ITPRID2: variants seen among roughly 807,000 people sequenced by gnomAD.
ITPRID2 encodes the protein ITPR interacting domain containing 2, also known as protein ITPRID2.
ITPRID2 carries 60 observed loss-of-function variants against 124.3 expected under a neutral mutation model. The ratio of observed to expected loss-of-function variants is 0.48; its 90% CI spans 0.39 to 0.60. ITPRID2 has a LOEUF of 0.60. Ranked by LOEUF, ITPRID2 falls within the 20% of genes least tolerant of loss-of-function variation. ITPRID2 has a pLI of 0.00. For synonymous variants in ITPRID2, 521 were observed against 542.9 expected (o/e 0.96, Z 0.56); for missense variants, 1,553 against 1,512.2 (o/e 1.03, Z -0.45).
intron 6 of ITPRID2, 30 bp from the exon 7 acceptor site, chr2:181,900,666 T>A (rs1166335618): frequency 6.8e-7 from 1 of 1,465,380 alleles, no homozygotes; most frequent in Non-Finnish European, 9.4e-7. Context: ...TATATTTTCA[T>A]GTTTCCTTTT....
intron 9 of ITPRID2, among the ~76,000 whole-genome samples, chr2:181,911,798 A>G (rs1693628624): frequency 6.6e-6 from 1 of 152,208 alleles, no homozygotes; most frequent in African/African-American, 2.4e-5. Flanking sequence ...TGTGAGATAG[A>G]TAGAAGAATT....
rs747331284 is a variant in ITPRID2, at chr2:181,902,435, C to T, written c.1382C>T (p.Thr461Ile). 5 of 1,598,356 alleles carry T rather than the reference C, an allele frequency of 3.1e-6. No individual in the cohort carries two copies. In the African/African-American group the frequency reaches 5.4e-5, roughly 17 times the overall value. The change falls in exon 8 of 18, where the codon ACA becomes ATA. Residue 461 changes from threonine (T) to isoleucine (I), a missense_variant. By Grantham distance (89) the Thr-to-Ile change is moderately conservative. Coordinates refer to ENST00000431877, the MANE Select transcript of ITPRID2 (RefSeq NM_001130445.3). This position sits in a 1 kb window ranked among gnomAD's most constrained non-coding sequence, Gnocchi z 4.4. Reference protein sequence around the residue: ...LTIPSIRNIMTQQKDSFEMEE... With the variant: ...LTIPSIRNIMIQQKDSFEMEE... ...ATACCATCCATAAGAAATATAATGA[C>T]ACAGCAGAAGGACTCCTTCGAAATG...
chr2:181,911,295 A>G (rs1014479385), intron 9 of ITPRID2, among the ~76,000 whole-genome samples: 6 of 152,204 alleles, frequency 3.9e-5, no homozygotes, highest in Admixed American at 3.3e-4. Flanking sequence ...ATTTACTTCA[A>G]AAGTTTAGGA....
chr2:181,895,912 A>G, intron 2 of ITPRID2, 118 bp from the exon 3 acceptor site: 1 of 786,538 alleles, frequency 1.3e-6, no homozygotes, highest in Non-Finnish European at 2.1e-6. Flanking sequence ...TTTTTGGAGG[A>G]GAGTTTAACT....
rs1169657788 is a variant in ITPRID2, at chr2:181,913,398, A to G, written c.1487-447A>G. ...GTGTTTTTTAAATTGGGAAGATAAT[A>G]GAAATCTTTACACACTATGCTCTCT... On this transcript the variant is annotated intron_variant, in intron 9 of 17. Coordinates refer to ENST00000431877, the MANE Select transcript of ITPRID2 (RefSeq NM_001130445.3). Among the ~76,000 whole-genome samples, 4 of 152,302 alleles carry G rather than the reference A, an allele frequency of 2.6e-5. No individual in the cohort carries two copies. The East Asian group carries it at 5.8e-4, about 22-fold the overall frequency.
rs890206557 is a variant in ITPRID2 at position 181,919,909 on chromosome 2, G to A, written c.3144+463G>A. On this transcript the variant is annotated intron_variant, in intron 14 of 17. Coordinates refer to ENST00000431877, the MANE Select transcript of ITPRID2 (RefSeq NM_001130445.3). This position sits in a 1 kb window ranked among gnomAD's most constrained non-coding sequence, Gnocchi z 4.2. ...TTTTTAAAGGAATCAAATGATACCT[G>A]TATATTTTCATACATATATATACAT... Among the ~76,000 whole-genome samples, 4 of 151,194 alleles carry A rather than the reference G, an allele frequency of 2.6e-5. No homozygotes were observed. Among genetic ancestry groups the A allele is most frequent in the Non-Finnish European group, 5.9e-5 (4 of 67,828 alleles).
chr2:181,906,108 G>T (rs1184064411), intron 8 of ITPRID2, among the ~76,000 whole-genome samples: 3 of 152,158 alleles, frequency 2.0e-5, no homozygotes, highest in Non-Finnish European at 4.4e-5. Context: ...ATAAACATTT[G>T]CAAGTAATTT....
rs568979336 is a variant in ITPRID2, at chr2:181,929,940, A to C, written c.*393A>C. 62 of 195,472 alleles carry C rather than the reference A, an allele frequency of 3.2e-4. No homozygotes were observed. Among genetic ancestry groups the C allele is most frequent in the Non-Finnish European group, 6.1e-4 (59 of 96,644 alleles). The allele number at this position is 195,472 out of a possible 1,614,324, so 12.1% of individuals were successfully genotyped here. ...GACCTCTATGAGGTATTTACTGTGC[A>C]ATAACTGATTCATTTTTTTCAGAGC... On this transcript the variant is annotated 3_prime_UTR_variant, in exon 18 of 18. Coordinates refer to ENST00000431877, the MANE Select transcript of ITPRID2 (RefSeq NM_001130445.3).
At chr2:181,906,971 T>G (rs143463057) in intron 8 of ITPRID2, among the ~76,000 whole-genome samples, 353 of 152,312 alleles carry the variant, frequency 2.3e-3, no homozygotes, top group African/African-American at 8.2e-3. Context: ...TCTGACATTT[T>G]TTTGAGCTGT....
In ITPRID2 at chr2:181,899,047, G is replaced by C. The variant is rs776026001; in HGVS notation, c.438G>C (p.Gln146His). ...TCTTGGCCAAAGAGAGAAGATTACA[G>C]TTTCATCAGAAAGGGAGAAGTATGA... The part of the protein sequence containing the change: ...NNILAKERRL[Q>H]FHQKGRSMNS... The change falls in exon 6 of 18, where the codon CAG becomes CAC. Residue 146 changes from glutamine (Q) to histidine (H), a missense_variant. Gln to His is a conservative substitution (Grantham distance 24). Transcript: ENST00000431877. The C allele has an allele frequency of 3.1e-6, 5 of 1,611,888 alleles. No homozygotes were observed. The Admixed American group carries it at 8.4e-5, about 27-fold the overall frequency.
At chr2:181,916,711 A>T (rs1194860057) in intron 11 of ITPRID2, 1 of 723,928 alleles carries the variant, frequency 1.4e-6, no homozygotes, top group Non-Finnish European at 1.9e-6. Context: ...TTAGTCTATC[A>T]TCCACTGTCT....
rs1293711397 is a variant in ITPRID2 at position 181,918,667 on chromosome 2, C to G, written c.2857C>G (p.Leu953Val). 2 of 1,614,060 alleles carry G rather than the reference C, an allele frequency of 1.2e-6. No homozygotes were observed. The highest frequency in any genetic ancestry group is 2.2e-5 in the East Asian group (1 of 44,864). The change falls in exon 12 of 18, where the codon CTT becomes GTT. Residue 953 changes from leucine (L) to valine (V), a missense_variant. Transcript: ENST00000431877. The stretch of plus-strand genomic sequence containing the variant: ...TACTCAGAAATCATCTGTTCTACCT[C>G]TTTATGAAGTAAGTTCTTTCTTACA... The part of the protein sequence containing the change: ...YSTQKSSVLP[L>V]YENTFQELQV...
In ITPRID2 at chr2:181,892,950, T is replaced by C. The variant is rs1043324762; in HGVS notation, c.257+290T>C. 8 of 506,054 alleles carry C rather than the reference T, an allele frequency of 1.6e-5. No homozygotes were observed. Among genetic ancestry groups the C allele is most frequent in the Non-Finnish European group, 2.5e-5 (7 of 280,992 alleles). The allele number at this position is 506,054 out of a possible 1,614,324, so 31.3% of individuals were successfully genotyped here. ...ACAGATAATCATGCCATATTTGTTC[T>C]GTTTTTATTTGAAAGAATTCTCACA... On this transcript the variant is annotated intron_variant, in intron 2 of 17. Coordinates refer to ENST00000431877, the MANE Select transcript of ITPRID2 (RefSeq NM_001130445.3). The surrounding 1 kb of genome is among the most constrained non-coding windows in gnomAD (Gnocchi z 5.2).
chr2:181,914,121 C>T (rs1290315386), intron 10 of ITPRID2, among the ~76,000 whole-genome samples, 188 bp downstream of exon 10: 1 of 152,154 alleles, frequency 6.6e-6, no homozygotes, highest in Non-Finnish European at 1.5e-5. Context: ...ATTCTTCTCT[C>T]TGAATATGTT....
chr2:181,892,073 C>T lies in ITPRID2; in HGVS notation c.7C>T (p.Arg3Trp), dbSNP rs1426426652. 1.3e-6 allele frequency: 2 copies of T among 1,551,208 alleles called. No individual in the cohort carries two copies. The highest frequency in any genetic ancestry group is 2.4e-5 in the South Asian group (2 of 84,204). Residue 3 changes from arginine (R) to tryptophan (W), a missense_variant, in exon 1 of 18, where the codon CGG (arginine) becomes TGG (tryptophan). By Grantham distance (101) the Arg-to-Trp change is moderately radical. Coordinates refer to ENST00000431877, the MANE Select transcript of ITPRID2 (RefSeq NM_001130445.3). This position sits in a 1 kb window ranked among gnomAD's most constrained non-coding sequence, Gnocchi z 5.2. Reference protein sequence around the residue: MDRPLSSSAEAEE... With the variant: MDWPLSSSAEAEE... ...CGGAGCCCCCAGTGCGGCCATGGAC[C>T]GGCCCCTGTCGTCGTCGGCGGAGGC...
Position 181,915,265 on chromosome 2 carries a change from G to A in ITPRID2, c.1625G>A (p.Ser542Asn). The A allele has an allele frequency of 6.2e-7, 1 of 1,614,186 alleles. No homozygotes were observed. Among genetic ancestry groups the A allele is most frequent in the Non-Finnish European group, 8.5e-7 (1 of 1,180,022 alleles). The change falls in exon 11 of 18, where the codon AGT becomes AAT. Residue 542 changes from serine (S) to asparagine (N), a missense_variant. By Grantham distance (46) the Ser-to-Asn change is conservative (BLOSUM62 1). Transcript: ENST00000431877. ...AMGSSADSCD[S>N]ETTVTSLGED... Reference sequence around the variant, plus strand: ...GGGAGTAGTGCTGATAGTTGTGACAGTGAGACAACAGTTACGTCACTTGGT... The same window carrying A: ...GGGAGTAGTGCTGATAGTTGTGACAATGAGACAACAGTTACGTCACTTGGT...
chr2:181,920,544 G>T, intron 14 of ITPRID2, 53 bp from the exon 15 acceptor site: 1 of 1,194,316 alleles, frequency 8.4e-7, no homozygotes, highest in Non-Finnish European at 1.2e-6. Flanking sequence ...ATATATGCAT[G>T]TATGTATATA....
intron 8 of ITPRID2, among the ~76,000 whole-genome samples, chr2:181,904,130 G>T (rs1692900515): frequency 6.6e-6 from 1 of 152,076 alleles, no homozygotes; most frequent in African/African-American, 2.4e-5. Flanking sequence ...AATTTTTTAA[G>T]ATGCCATACA....
In ITPRID2 at chr2:181,907,423, A is replaced by G. The variant is rs1429941025; in HGVS notation, c.1414-2476A>G. 6.8e-6 allele frequency among the ~76,000 whole-genome samples: 1 copy of G among 147,082 alleles called. No individual in the cohort carries two copies. The highest frequency in any genetic ancestry group is 1.5e-5 in the Non-Finnish European group (1 of 66,988). On this transcript the variant is annotated intron_variant, in intron 8 of 17. Coordinates refer to ENST00000431877, the MANE Select transcript of ITPRID2 (RefSeq NM_001130445.3). The surrounding 1 kb of genome is among the most constrained non-coding windows in gnomAD (Gnocchi z 5.1). ...GAATCCCAAAACATTGAGACCATGC[A>G]ATTTTATCACTTTGGTTTAGTGGTT...
Sources: gnomAD v4.1 joint callset for allele counts (sites outside exome capture counted in the v4.1 genomes callset) on GRCh38, gnomAD v4.1.1 for gene constraint, Gnocchi (gnomAD v3.1) non-coding constraint, MANE v1.5 for transcripts, NCBI Gene and HGNC (gene_info 2026-07-23, HGNC 2026-07-21) for gene names.